The following DGKH variants were observed in gnomAD, a reference collection of about 807,000 sequenced individuals.
DGKH encodes the protein DAG kinase eta.
Under a neutral mutation model 159.3 loss-of-function variants are expected in DGKH, and 90 were observed. That is an observed-to-expected ratio of 0.57 (90% CI 0.48 to 0.67). The LOEUF is 0.67. Among genes scored for constraint, DGKH ranks in the 30% least tolerant of loss-of-function variants. DGKH has a pLI of 0.00. For missense variants in DGKH, 1,181 were observed against 1,506.1 expected (o/e 0.78, Z 3.57); for synonymous variants, 536 against 553.8 (o/e 0.97, Z 0.45).
chr13:42,065,851 C>CT (rs2137679066), intron 1 of DGKH, among the ~76,000 whole-genome samples: 1 of 152,252 alleles, frequency 6.6e-6, no homozygotes, highest in South Asian at 2.1e-4. Flanking sequence ...TTGATGTACT[C>CT]TTTAATTAGC....
chr13:42,161,830 T>C (rs1956190188), intron 7 of DGKH, among the ~76,000 whole-genome samples: 1 of 151,938 alleles, frequency 6.6e-6, no homozygotes, highest in African/African-American at 2.4e-5. Context: ...TAATGTGTGA[T>C]GAATTATTTT....
rs752685660 is a variant in DGKH, at chr13:42,198,447, C to T, written c.2168-31C>T. ...TCTTTCTGTGTTTTTTCTTAACATG[C>T]GATCCCATATGTGTTTGCTTTTCTT... is the stretch of plus-strand genomic sequence containing the variant. On this transcript the variant is annotated intron_variant, in intron 17 of 29. Coordinates refer to ENST00000337343, the MANE Select transcript of DGKH (RefSeq NM_178009.5). The T allele has an allele frequency of 1.8e-5, 29 of 1,576,978 alleles. No individual in the cohort carries two copies. In the South Asian group the frequency reaches 2.5e-4, roughly 14 times the overall value.
rs140696226 is a variant in DGKH at position 42,151,613 on chromosome 13, ACC to A, written c.385-3675_385-3674del. Among the ~76,000 whole-genome samples the A allele has an allele frequency of 7.1e-5, 8 of 111,952 alleles. No homozygotes were observed. The East Asian group carries it at 1.8e-3, about 26-fold the overall frequency. 73.4% of individuals were successfully genotyped at this position (111,952 alleles called of 152,430 possible). On this transcript the variant is annotated intron_variant, in intron 3 of 29. Transcript: ENST00000337343. Reference sequence around the variant, plus strand: ...CACACACACACACACACACACACACACCCCATGGAAAACTACTCAGTCATAAA... The same window carrying A: ...CACACACACACACACACACACACACACCATGGAAAACTACTCAGTCATAAA...
intron 3 of DGKH, among the ~76,000 whole-genome samples, chr13:42,139,921 A>G (rs1371272456): frequency 6.6e-6 from 1 of 152,130 alleles, no homozygotes; most frequent in Non-Finnish European, 1.5e-5. Flanking sequence ...AAAAACGAGG[A>G]ACTCGCCTCC....
At chr13:42,255,393 T>C (rs1958650597) in intron 30 of DGKH, among the ~76,000 whole-genome samples, 1 of 152,118 alleles carries the variant, frequency 6.6e-6, no homozygotes. Context: ...TAATAAACAT[T>C]TGATTTGCTG....
intron 18 of DGKH, among the ~76,000 whole-genome samples, chr13:42,199,107 G>A (rs1322426895): frequency 1.3e-5 from 2 of 151,966 alleles, no homozygotes; most frequent in Admixed American, 6.6e-5. Flanking sequence ...TATTTTAAAC[G>A]TTCCAAAACA....
intron 21 of DGKH, among the ~76,000 whole-genome samples, chr13:42,207,027 T>TTTCTTTCTTTC (rs1566191787): frequency 2.2e-5 from 2 of 92,300 alleles, no homozygotes; most frequent in Admixed American, 1.2e-4. Flanking sequence ...TTCTTTCTTT[T>TTTCTTTCTTTC]TCTTTCTTTC....
intron 7 of DGKH, among the ~76,000 whole-genome samples, chr13:42,161,266 A>C (rs1956172903): frequency 6.6e-6 from 1 of 152,164 alleles, no homozygotes; most frequent in Admixed American, 6.5e-5. Flanking sequence ...ACTGATAACA[A>C]ATTTTCCTGC....
chr13:42,146,572 T>C (rs1252254368), intron 3 of DGKH, among the ~76,000 whole-genome samples: 3 of 152,236 alleles, frequency 2.0e-5, no homozygotes, highest in African/African-American at 7.2e-5. Flanking sequence ...TGGAATGTTA[T>C]GCAGCCATTA....
At chr13:42,106,930 G>GCTACT (rs1440300497) in intron 1 of DGKH, among the ~76,000 whole-genome samples, 1 of 152,128 alleles carries the variant, frequency 6.6e-6, no homozygotes, top group Non-Finnish European at 1.5e-5. Flanking sequence ...TGTAATCACA[G>GCTACT]CTACTCGGAA....
At position 42,214,508 on chromosome 13, in the gene DGKH, A is replaced by T; in HGVS notation, c.3016A>T (p.Ile1006Leu). ...CATTTGTTTCATTTTTGCTTTTAGG[A>T]TATGTGACGCAGCCACAATTCACTG... ...SQAAEELITRICDAATIHCLL... is the reference protein window; with the variant it reads ...SQAAEELITRLCDAATIHCLL... The change falls in exon 25 of 30, where the codon ATA (isoleucine) becomes TTA (leucine). Residue 1006 changes from isoleucine (I) to leucine (L), a missense_variant and splice_region_variant. By Grantham distance (5) the Ile-to-Leu change is conservative. Around this residue, in one of 5 missense-constraint regions of DGKH, gnomAD observed 335 missense variants for 495.2 expected, o/e 0.68. Transcript: ENST00000337343. 1 of 1,609,742 alleles carries T rather than the reference A, an allele frequency of 6.2e-7. No individual in the cohort carries two copies. The highest frequency in any genetic ancestry group is 8.5e-7 in the Non-Finnish European group (1 of 1,178,480).
Position 42,253,995 on chromosome 13 carries a change from A to G in DGKH, n.4127+1514A>G, listed in dbSNP as rs969759963. 4.4e-4 allele frequency among the ~76,000 whole-genome samples: 62 copies of G among 140,400 alleles called. No homozygotes were observed. In the East Asian group the frequency reaches 7.1e-3, roughly 16 times the overall value. 92.1% of individuals were successfully genotyped at this position (140,400 alleles called of 152,430 possible). ...CCTCAAAATTGGGAGTGGGTTACCA[A>G]AAAAAAAAAAAAAAGTATATTAATT... On this transcript the variant is annotated intron_variant and non_coding_transcript_variant, in intron 30 of 30. Coordinates refer to the DGKH transcript ENST00000498255.
intron 1 of DGKH, among the ~76,000 whole-genome samples, chr13:42,081,210 A>T (rs1954193452): frequency 6.6e-6 from 1 of 151,866 alleles, no homozygotes; most frequent in Non-Finnish European, 1.5e-5. Flanking sequence ...TTGCCATGCT[A>T]CTAAGAAAAA....
At chr13:42,087,097 TAGG>T (rs1954322469) in intron 1 of DGKH, among the ~76,000 whole-genome samples, 7 of 117,316 alleles carry the variant, frequency 6.0e-5, no homozygotes, top group African/African-American at 2.3e-4. Context: ...CAGAACAGAG[TAGG>T]CACAACAATC....
intron 1 of DGKH, among the ~76,000 whole-genome samples, chr13:42,121,095 T>C (rs939593569): frequency 2.4e-5 from 2 of 83,632 alleles, no homozygotes; most frequent in Non-Finnish European, 5.7e-5. Flanking sequence ...ACACACAACA[T>C]GCGCACACAC....
intron 25 of DGKH, 25 bp downstream of exon 25, chr13:42,214,637 A>C: frequency 4.6e-5 from 74 of 1,602,142 alleles, no homozygotes; most frequent in Non-Finnish European, 5.5e-5. Flanking sequence ...GTAAATTCTC[A>C]TTCCACAGAT....
chr13:42,068,851 TAA>T lies in DGKH; in HGVS notation c.192+19891_192+19892del, dbSNP rs1409992700. 8 of 673,424 alleles carry T rather than the reference TAA, an allele frequency of 1.2e-5. No homozygotes were observed. The African/African-American group carries it at 1.3e-4, about 11-fold the overall frequency. 41.7% of individuals were successfully genotyped at this position (673,424 alleles called of 1,614,324 possible). A position where few individuals can be genotyped will look rare whatever the true frequency, so the allele number is the denominator to read the frequency against. ...ACTAAATGACACCATCTGATTCAAG[TAA>T]AAAATGACTTAAACTCTAGTAATAA... On this transcript the variant is annotated intron_variant, in intron 1 of 29. Coordinates refer to ENST00000337343, the MANE Select transcript of DGKH (RefSeq NM_178009.5).
chr13:42,153,389 C>T (rs1437268122), intron 3 of DGKH, among the ~76,000 whole-genome samples: 1 of 152,082 alleles, frequency 6.6e-6, no homozygotes, highest in Non-Finnish European at 1.5e-5. Flanking sequence ...CAGCAAAGAA[C>T]AAAGTTAAAG....
At chr13:42,052,104 T>C (rs1881366846) in intron 1 of DGKH, among the ~76,000 whole-genome samples, 1 of 152,182 alleles carries the variant, frequency 6.6e-6, no homozygotes, top group Non-Finnish European at 1.5e-5. Flanking sequence ...CAGAAGTAAA[T>C]ATGGGTTGTT....
Sources: gnomAD v4.1 joint callset for allele counts (sites outside exome capture counted in the v4.1 genomes callset) on GRCh38, gnomAD v4.1.1 for gene constraint, gnomAD v4.1.1 regional missense constraint, MANE v1.5 for transcripts, NCBI Gene and HGNC (gene_info 2026-07-23, HGNC 2026-07-21) for gene names.